The following CEACAM19 variants were observed in gnomAD, a reference collection of about 807,000 sequenced individuals.
CEACAM19 encodes the protein cell adhesion molecule CEACAM19.
CEACAM19 carries 37 observed loss-of-function variants against 37.6 expected under a neutral mutation model. The ratio of observed to expected loss-of-function variants is 0.98; its 90% CI spans 0.76 to 1.29. The LOEUF is 1.29. Among genes scored for constraint, CEACAM19 ranks in the 50% most tolerant of loss-of-function variants. CEACAM19 has a pLI of 0.00. For synonymous variants in CEACAM19, 140 were observed against 149.8 expected, an observed-to-expected ratio of 0.93 and a Z score of 0.48; for missense variants, 340 against 375.6, an observed-to-expected ratio of 0.91 and a Z score of 0.78.
chr19:44,668,294 T>C (rs1436190240), upstream of CEACAM19, among the ~76,000 whole-genome samples: 1 of 81,886 alleles, frequency 1.2e-5, no homozygotes, highest in Non-Finnish European at 2.0e-5. Flanking sequence ...TTATTATATT[T>C]ATATAATATG....
chr19:44,680,231 C>A, intron 4 of CEACAM19, 57 bp from the exon 5 acceptor site: 1 of 1,436,958 alleles, frequency 7.0e-7, no homozygotes. Flanking sequence ...TTAAGTCTCT[C>A]TCCCCCCGCC....
chr19:44,668,752 A>ATAAT (rs1568513256), upstream of CEACAM19, among the ~76,000 whole-genome samples: 9 of 91,762 alleles, frequency 9.8e-5, no homozygotes, highest in African/African-American at 7.3e-4. Flanking sequence ...AATATAATAT[A>ATAAT]ATATAATATA....
chr19:44,680,247 G>A, intron 4 of CEACAM19, 41 bp from the exon 5 acceptor site: 2 of 1,549,836 alleles, frequency 1.3e-6, no homozygotes, highest in Non-Finnish European at 1.8e-6. Context: ...CCGCCTGAGT[G>A]TCTCTCTATC....
rs1415257714 is a variant in CEACAM19 at position 44,684,310 on chromosome 19, G to A, written c.*820G>A. ...AACAAAAACTCCCGCTTTCCCAGAG[G>A]GTCACTTGGCAGGGGAAAGAATCAG... On this transcript the variant is annotated 3_prime_UTR_variant, in exon 8 of 8. Transcript: ENST00000358777. 1 of 152,124 alleles carries A rather than the reference G, an allele frequency of 6.6e-6. No homozygotes were observed. The highest frequency in any genetic ancestry group is 1.5e-5 in the Non-Finnish European group (1 of 68,050). 9.4% of individuals were successfully genotyped at this position (152,124 alleles called of 1,614,324 possible).
upstream of CEACAM19, among the ~76,000 whole-genome samples, chr19:44,668,878 GGC>G (rs1474604494): frequency 5.3e-5 from 7 of 133,014 alleles, no homozygotes; most frequent in Non-Finnish European, 8.0e-5. Flanking sequence ...GGAGTGCAGT[GGC>G]ACAATCTTGG....
Position 44,676,273 on chromosome 19 carries a change from A to G in CEACAM19, c.427A>G (p.Lys143Glu). The G allele has an allele frequency of 6.2e-7, 1 of 1,613,846 alleles. No homozygotes were observed. ...KAKTEVQVAE[K>E]NKELPSTHLP... is the part of the protein sequence containing the mutation. ...TCTTTCTTTCTCTCACCCCTCAGAA[A>G]AGAATAAGGAGCTGCCCAGTACACA... The change falls in exon 3 of 8, where the codon AAG becomes GAG. Residue 143 changes from lysine to glutamate, a missense_variant and splice_region_variant. Transcript: ENST00000358777.
chr19:44,683,462 C>A lies in CEACAM19; in HGVS notation c.872C>A (p.Pro291His). ...YQDLLNPDPA[P>H]YCQLVPTS is the part of the protein sequence containing the mutation. ...GACCTGCTAAACCCCGACCCTGCCCCCTACTGCCAGCTGGTGCCAACTTCC... is the reference window on the plus strand; with the variant it reads ...GACCTGCTAAACCCCGACCCTGCCCACTACTGCCAGCTGGTGCCAACTTCC... Residue 291 changes from proline to histidine, a missense_variant, in exon 8 of 8, where the codon CCC becomes CAC. Coordinates refer to ENST00000358777, the MANE Select transcript of CEACAM19 (RefSeq NM_001127893.3). 1 of 1,566,616 alleles carries A rather than the reference C, an allele frequency of 6.4e-7. No homozygotes were observed. The highest frequency in any genetic ancestry group is 2.4e-5 in the East Asian group (1 of 42,258).
chr19:44,681,318 T>C lies in CEACAM19; in HGVS notation c.792+6T>C. 1 of 1,607,960 alleles carries C rather than the reference T, an allele frequency of 6.2e-7. No homozygotes were observed. The highest frequency in any genetic ancestry group is 8.5e-7 in the Non-Finnish European group (1 of 1,175,108). ...GGTCCATAAACCCAGCCCGGGTGAG[T>C]CCCGTCCCCAGCCTCTCCCCTGAAG... is the stretch of plus-strand genomic sequence containing the variant. On this transcript the variant is annotated splice_donor_region_variant and intron_variant, in intron 6 of 7. Transcript: ENST00000358777.
chr19:44,667,689 A>C (rs1330791112), upstream of CEACAM19, among the ~76,000 whole-genome samples: 109 of 84,110 alleles, frequency 1.3e-3, 1 homozygote, highest in Middle Eastern at 6.7e-3. Flanking sequence ...ATATATATAA[A>C]TATATAATAT....
intron 2 of CEACAM19, among the ~76,000 whole-genome samples, chr19:44,675,838 A>C (rs1039632086): frequency 2.0e-5 from 3 of 152,084 alleles, no homozygotes; most frequent in Admixed American, 1.3e-4. Context: ...GGAGCATGTC[A>C]GCAAGCAGAT....
At chr19:44,679,968 A>G in intron 4 of CEACAM19, among the ~76,000 whole-genome samples, 1 of 152,242 alleles carries the variant, frequency 6.6e-6, no homozygotes, top group Middle Eastern at 3.4e-3. Context: ...GGGTATTCAA[A>G]TGAATCTATG....
At chr19:44,681,354 C>T in intron 6 of CEACAM19, 42 bp downstream of exon 6, 1 of 1,367,520 alleles carries the variant, frequency 7.3e-7, no homozygotes, top group African/African-American at 1.4e-5. Context: ...CCAATGCTAA[C>T]AGGCGCCTCC....
chr19:44,677,129 A>G (rs924083312), intron 3 of CEACAM19, among the ~76,000 whole-genome samples: 5 of 152,076 alleles, frequency 3.3e-5, no homozygotes, highest in Non-Finnish European at 5.9e-5. Flanking sequence ...TAGCAAGGAG[A>G]CCACCTTGTT....
chr19:44,669,084 T>C (rs372641312), upstream of CEACAM19, among the ~76,000 whole-genome samples: 13 of 151,528 alleles, frequency 8.6e-5, no homozygotes, highest in African/African-American at 2.9e-4. Context: ...CCTCCCAAAG[T>C]GCTAGGACTA....
chr19:44,683,669 C>A lies in CEACAM19; in HGVS notation c.*179C>A. On this transcript the variant is annotated 3_prime_UTR_variant, in exon 8 of 8. Coordinates refer to ENST00000358777, the MANE Select transcript of CEACAM19 (RefSeq NM_001127893.3). ...CTGGCAGGGGGACAGGAGACTGTAACAGGCCCAGGTCCTTGTGCAGCCCGT... is the reference window on the plus strand; with the variant it reads ...CTGGCAGGGGGACAGGAGACTGTAAAAGGCCCAGGTCCTTGTGCAGCCCGT... 1 of 447,530 alleles carries A rather than the reference C, an allele frequency of 2.2e-6. No individual in the cohort carries two copies. Among genetic ancestry groups the A allele is most frequent in the Non-Finnish European group, 4.0e-6 (1 of 249,166 alleles). The allele number at this position is 447,530 out of a possible 1,614,324, so 27.7% of individuals were successfully genotyped here.
intron 1 of CEACAM19, 69 bp from the exon 2 acceptor site, chr19:44,672,527 C>G: frequency 7.1e-7 from 1 of 1,407,914 alleles, no homozygotes; most frequent in Non-Finnish European, 9.3e-7. Flanking sequence ...AGATCTGTAT[C>G]TAGAGAGGAG....
rs1568514852 is a variant in CEACAM19 at position 44,672,854 on chromosome 19, G to T, written c.314G>T (p.Gly105Val). The T allele has an allele frequency of 6.2e-7, 1 of 1,600,024 alleles. No homozygotes were observed. Among genetic ancestry groups the T allele is most frequent in the Admixed American group, 1.7e-5 (1 of 58,254 alleles). ...GQRDIVGFPN[G>V]SMLLRRAQPT... ...CGAGACATCGTGGGCTTCCCCAATG[G>T]TTCCATGCTGCTGCGCCGCGCCCAG... Residue 105 changes from glycine to valine, a missense_variant, in exon 2 of 8, where the codon GGT becomes GTT. Gly to Val is a moderately radical substitution (Grantham distance 109). Transcript: ENST00000358777.
chr19:44,678,984 G>A, intron 4 of CEACAM19, 48 bp downstream of exon 4: 2 of 1,607,320 alleles, frequency 1.2e-6, no homozygotes, highest in Non-Finnish European at 1.7e-6. Context: ...ACTTGCTATA[G>A]CGGTGTCAAG....
intron 6 of CEACAM19, among the ~76,000 whole-genome samples, chr19:44,682,354 G>A (rs1055381994): frequency 3.9e-5 from 6 of 152,200 alleles, no homozygotes; most frequent in East Asian, 1.9e-4. Flanking sequence ...AGTGGTTGAC[G>A]GGCCACTGGA....
Sources: allele counts gnomAD v4.1 joint callset (sites outside exome capture counted in the v4.1 genomes callset), GRCh38; gene constraint gnomAD v4.1.1; transcripts MANE v1.5; gene names NCBI Gene and HGNC (gene_info 2026-07-23, HGNC 2026-07-21).